Variants in KIRREL3 observed in about 807,000 individuals in gnomAD.
KIRREL3 encodes kirre like nephrin family adhesion molecule 3.
A neutral mutation model predicts 89.7 loss-of-function variants in KIRREL3; 36 were observed. That is an observed-to-expected ratio of 0.40 (90% CI 0.31 to 0.53). The LOEUF is 0.53. KIRREL3 is among the 20% of genes least tolerant of loss of function. KIRREL3 has a pLI of 0.49. For missense variants in KIRREL3, 864 were observed against 1,056.6 expected (o/e 0.82, Z 2.53); for synonymous variants, 445 against 441.4 (o/e 1.01, Z -0.10).
Position 126,953,882 on chromosome 11 carries a change from G to T in KIRREL3, c.55+46573C>A, listed in dbSNP as rs1026748085. Among the ~76,000 whole-genome samples the T allele has an allele frequency of 1.3e-5, 2 of 152,006 alleles. No homozygotes were observed. The highest frequency in any genetic ancestry group is 2.9e-5 in the Non-Finnish European group (2 of 67,974). On this transcript the variant is annotated intron_variant, in intron 1 of 16. Transcript: ENST00000525144. The surrounding 1 kb of genome is among the most constrained non-coding windows in gnomAD (Gnocchi z 5.2). Reference sequence around the variant, plus strand: ...TTGGGTTTTTCTCTGCCTACCACCCGCTTATTTATGTTAATCTGATTTAGA... The same window carrying T: ...TTGGGTTTTTCTCTGCCTACCACCCTCTTATTTATGTTAATCTGATTTAGA...
chr11:126,966,557 G>A (rs920976435), intron 1 of KIRREL3, among the ~76,000 whole-genome samples: 1 of 152,110 alleles, frequency 6.6e-6, no homozygotes, highest in Admixed American at 6.5e-5. Flanking sequence ...GTGTACTCTC[G>A]AAGGAGACCT....
At chr11:126,646,143 T>A (rs1422841220) in intron 1 of KIRREL3, among the ~76,000 whole-genome samples, 2 of 152,082 alleles carry the variant, frequency 1.3e-5, no homozygotes, top group Non-Finnish European at 2.9e-5. Flanking sequence ...AGCATTAGCA[T>A]CTGCAGGTTC....
rs538792135 is a variant in KIRREL3 at position 126,735,396 on chromosome 11, G to A, written c.56-172484C>T. ...CATTGCATGACCAACTGGGGAGACA[G>A]AGAAAGAGAGCTTCCACCGGCCCCA... is the stretch of plus-strand genomic sequence containing the variant. On this transcript the variant is annotated intron_variant, in intron 1 of 16. Coordinates refer to ENST00000525144, the MANE Select transcript of KIRREL3 (RefSeq NM_032531.4). 3.3e-5 allele frequency among the ~76,000 whole-genome samples: 5 copies of A among 152,286 alleles called. No individual in the cohort carries two copies. In the East Asian group the frequency reaches 9.7e-4, roughly 29 times the overall value.
intron 1 of KIRREL3, among the ~76,000 whole-genome samples, chr11:126,757,950 A>T (rs1403778646): frequency 6.6e-6 from 1 of 152,204 alleles, no homozygotes; most frequent in African/African-American, 2.4e-5. Context: ...ATGGCAACCA[A>T]CCATTCAATT....
intron 5 of KIRREL3, among the ~76,000 whole-genome samples, chr11:126,464,550 AAAGAAAAAGAAG>A (rs1184035099): frequency 1.3e-5 from 2 of 151,544 alleles, no homozygotes; most frequent in African/African-American, 2.4e-5. Flanking sequence ...AGAAAAAGAA[AAAGAAAAAGAAG>A]AAGGAGAAGG....
In KIRREL3 at chr11:126,568,472, G is replaced by C. The variant is rs1482053588; in HGVS notation, c.56-5560C>G. 6.6e-6 allele frequency among the ~76,000 whole-genome samples: 1 copy of C among 152,204 alleles called. No homozygotes were observed. Among genetic ancestry groups the C allele is most frequent in the Non-Finnish European group, 1.5e-5 (1 of 68,044 alleles). Reference sequence around the variant, plus strand: ...CATTCATCCCTGCCACGTTGACATAGAGAGCAGGGGAGGGGCTGAAAAAAT... The same window carrying C: ...CATTCATCCCTGCCACGTTGACATACAGAGCAGGGGAGGGGCTGAAAAAAT... On this transcript the variant is annotated intron_variant, in intron 1 of 16. Coordinates refer to ENST00000525144, the MANE Select transcript of KIRREL3 (RefSeq NM_032531.4). The surrounding 1 kb of genome is among the most constrained non-coding windows in gnomAD (Gnocchi z 4.6).
chr11:126,895,583 C>A (rs1290747290), intron 1 of KIRREL3, among the ~76,000 whole-genome samples: 3 of 152,074 alleles, frequency 2.0e-5, no homozygotes, highest in Non-Finnish European at 2.9e-5. Flanking sequence ...TGGGATTCTC[C>A]TGCCATCCTT....
rs527995473 is a variant in KIRREL3 at position 126,566,855 on chromosome 11, T to C, written c.56-3943A>G. Among the ~76,000 whole-genome samples, 2 of 152,344 alleles carry C rather than the reference T, an allele frequency of 1.3e-5. No individual in the cohort carries two copies. The highest frequency in any genetic ancestry group is 3.9e-4 in the East Asian group (2 of 5,188). ...TAGATGCTCACAGTAAGTAGCTCTG[T>C]GACACAGGCAAGTCAGAAATTATCT... On this transcript the variant is annotated intron_variant, in intron 1 of 16. Transcript: ENST00000525144. The surrounding 1 kb of genome is among the most constrained non-coding windows in gnomAD (Gnocchi z 4.9).
intron 1 of KIRREL3, among the ~76,000 whole-genome samples, chr11:126,823,848 G>T (rs892138137): frequency 1.3e-5 from 2 of 152,198 alleles, no homozygotes; most frequent in African/African-American, 4.8e-5. Context: ...CTGGCAGGTG[G>T]GTCTGAAGGA....
chr11:126,845,996 G>A (rs774407548), intron 1 of KIRREL3, among the ~76,000 whole-genome samples: 4 of 152,110 alleles, frequency 2.6e-5, no homozygotes, highest in Non-Finnish European at 4.4e-5. Flanking sequence ...TGGAACCTCA[G>A]GAATTAAAAG....
rs966809294 is a variant in KIRREL3 at position 126,997,605 on chromosome 11, C to T, written c.55+2850G>A. ...TTATACATTGATTTCTGTTCTCTGT[C>T]TCTCTAAAAGGTTATAAGAAAAAGT... On this transcript the variant is annotated intron_variant, in intron 1 of 16. Coordinates refer to ENST00000525144, the MANE Select transcript of KIRREL3 (RefSeq NM_032531.4). This position sits in a 1 kb window ranked among gnomAD's most constrained non-coding sequence, Gnocchi z 4.3. 6.6e-6 allele frequency among the ~76,000 whole-genome samples: 1 copy of T among 152,192 alleles called. No individual in the cohort carries two copies. The highest frequency in any genetic ancestry group is 2.4e-5 in the African/African-American group (1 of 41,448).
chr11:126,556,309 C>T (rs1379653385), intron 2 of KIRREL3, among the ~76,000 whole-genome samples: 1 of 151,896 alleles, frequency 6.6e-6, no homozygotes, highest in Non-Finnish European at 1.5e-5. Context: ...CTAGGACTTG[C>T]TGAGGACTGG....
intron 1 of KIRREL3, among the ~76,000 whole-genome samples, chr11:126,853,531 T>C (rs1944408625): frequency 6.6e-6 from 1 of 152,244 alleles, no homozygotes; most frequent in Non-Finnish European, 1.5e-5. Flanking sequence ...ATTTTTATCA[T>C]TTTGTCAATT....
rs1194280364 is a variant in KIRREL3 at position 126,669,062 on chromosome 11, G to T, written c.56-106150C>A. On this transcript the variant is annotated intron_variant, in intron 1 of 16. Transcript: ENST00000525144. The surrounding 1 kb of genome is among the most constrained non-coding windows in gnomAD (Gnocchi z 5.0). ...TTTCATCCCTTTTTGACAATTCTTG[G>T]TAAAAGCTTTGCAAGTATGGAGCTA... 6.6e-6 allele frequency among the ~76,000 whole-genome samples: 1 copy of T among 152,024 alleles called. No individual in the cohort carries two copies. The highest frequency in any genetic ancestry group is 1.9e-4 in the East Asian group (1 of 5,182).
intron 1 of KIRREL3, among the ~76,000 whole-genome samples, chr11:126,913,480 G>A (rs1377201252): frequency 6.6e-6 from 1 of 152,194 alleles, no homozygotes; most frequent in Non-Finnish European, 1.5e-5. Context: ...CCGACTGACT[G>A]TAAACGCAGA....
chr11:126,920,071 A>G (rs1191044005), intron 1 of KIRREL3: 1 of 152,216 alleles, frequency 6.6e-6, no homozygotes, highest in African/African-American at 2.4e-5. Context: ...TATCAACCCC[A>G]TGACGTACTT....
At chr11:126,785,872 CAAAAAAAAAA>C (rs34526435) in intron 1 of KIRREL3, among the ~76,000 whole-genome samples, 7 of 37,800 alleles carry the variant, frequency 1.9e-4, no homozygotes, top group African/African-American at 6.4e-4. Context: ...GACTCCGTCT[CAAAAAAAAAA>C]AAAAAAAAAA....
rs1333559939 is a variant in KIRREL3 at position 126,904,890 on chromosome 11, T to C, written c.55+95565A>G. On this transcript the variant is annotated intron_variant, in intron 1 of 16. Coordinates refer to ENST00000525144, the MANE Select transcript of KIRREL3 (RefSeq NM_032531.4). The surrounding 1 kb of genome is among the most constrained non-coding windows in gnomAD (Gnocchi z 4.4). ...GTTCTTTGATGGTATCTAGGACAAC[T>C]CCAAGTATAGCTAAGTATATAATAA... Among the ~76,000 whole-genome samples the C allele has an allele frequency of 6.6e-6, 1 of 152,150 alleles. No individual in the cohort carries two copies. Among genetic ancestry groups the C allele is most frequent in the African/African-American group, 2.4e-5 (1 of 41,422 alleles).
At chr11:126,707,764 A>T (rs532323421) in intron 1 of KIRREL3, among the ~76,000 whole-genome samples, 28 of 151,070 alleles carry the variant, frequency 1.9e-4, no homozygotes, top group South Asian at 1.5e-3. Context: ...TCCCTGGGTC[A>T]TTTCTCCCAG....
Sources: gnomAD v4.1 joint callset for allele counts (sites outside exome capture counted in the v4.1 genomes callset) on GRCh38, gnomAD v4.1.1 for gene constraint, Gnocchi (gnomAD v3.1) non-coding constraint, MANE v1.5 for transcripts, NCBI Gene and HGNC (gene_info 2026-07-23, HGNC 2026-07-21) for gene names.